UNC5A: variants seen among roughly 807,000 people sequenced by gnomAD.
The protein encoded by UNC5A is unc-5 netrin receptor A, also known as netrin receptor UNC5A.
A neutral mutation model predicts 87.4 loss-of-function variants in UNC5A; 20 were observed. The observed-to-expected ratio is 0.23, with a 90% CI of 0.16 to 0.33. UNC5A has a LOEUF of 0.33. Ranked by LOEUF, UNC5A falls within the 10% of genes least tolerant of loss-of-function variation. UNC5A has a pLI of 1.00. For synonymous variants in UNC5A, 438 were observed against 482.3 expected (o/e 0.91, Z 1.20); for missense variants, 844 against 1,133.4 (o/e 0.74, Z 3.67).
At chr5:176,879,235 C>T in intron 13 of UNC5A, 75 bp from the exon 14 acceptor site, 1 of 1,495,850 alleles carries the variant, frequency 6.7e-7, no homozygotes, top group Non-Finnish European at 8.9e-7. Context: ...TCTGGGAGCT[C>T]CCCCAGCAGG....
rs973282513 is a variant in UNC5A at position 176,838,207 on chromosome 5, G to A, written c.71-24417G>A. 6.6e-6 allele frequency among the ~76,000 whole-genome samples: 1 copy of A among 152,198 alleles called. No homozygotes were observed. The highest frequency in any genetic ancestry group is 1.5e-5 in the Non-Finnish European group (1 of 68,026). The stretch of plus-strand genomic sequence containing the variant: ...TACTGCTTAACTCTGGGGGGAAGGA[G>A]CTGGAGAGGTGGGAAGTAGGGATTG... On this transcript the variant is annotated intron_variant, in intron 1 of 14. Coordinates refer to ENST00000329542, the MANE Select transcript of UNC5A (RefSeq NM_133369.3). The surrounding 1 kb of genome is among the most constrained non-coding windows in gnomAD (Gnocchi z 4.2).
chr5:176,830,647 CAT>C (rs1756984644), intron 1 of UNC5A, among the ~76,000 whole-genome samples: 1 of 88,378 alleles, frequency 1.1e-5, no homozygotes, highest in Admixed American at 1.3e-4. Flanking sequence ...CTGGCGTGTG[CAT>C]TTGTGTGTGT....
chr5:176,832,719 G>A (rs1286343274), intron 1 of UNC5A, among the ~76,000 whole-genome samples: 1 of 152,206 alleles, frequency 6.6e-6, no homozygotes, highest in Non-Finnish European at 1.5e-5. Context: ...GTAGGGAGCT[G>A]CTGAAGATTT....
intron 2 of UNC5A, among the ~76,000 whole-genome samples, chr5:176,863,346 G>A (rs1336358694): frequency 6.6e-6 from 1 of 152,236 alleles, no homozygotes; most frequent in Non-Finnish European, 1.5e-5. Flanking sequence ...GGTGGGGTCA[G>A]CAGTGAGGGT....
In UNC5A at chr5:176,865,400, A is replaced by C; in HGVS notation, c.292+2555A>C. 1 of 353,152 alleles carries C rather than the reference A, an allele frequency of 2.8e-6. No individual in the cohort carries two copies. The highest frequency in any genetic ancestry group is 5.6e-6 in the Non-Finnish European group (1 of 178,752). The allele number at this position is 353,152 out of a possible 1,614,324, so 21.9% of individuals were successfully genotyped here. On this transcript the variant is annotated intron_variant, in intron 2 of 14. Coordinates refer to ENST00000329542, the MANE Select transcript of UNC5A (RefSeq NM_133369.3). The surrounding 1 kb of genome is among the most constrained non-coding windows in gnomAD (Gnocchi z 5.3). Reference sequence around the variant, plus strand: ...TGAGCAGTCGCAGGCCCGGGCCGGCACACACACCGGGAGCCCCTGGCCCAC... The same window carrying C: ...TGAGCAGTCGCAGGCCCGGGCCGGCCCACACACCGGGAGCCCCTGGCCCAC...
At chr5:176,828,258 A>G (rs1032812208) in intron 1 of UNC5A, among the ~76,000 whole-genome samples, 3 of 152,176 alleles carry the variant, frequency 2.0e-5, no homozygotes, top group Admixed American at 2.0e-4. Context: ...TTCACATGAA[A>G]TCATTTCAAT....
At chr5:176,856,702 G>A (rs551014870) in intron 1 of UNC5A, among the ~76,000 whole-genome samples, 1 of 152,028 alleles carries the variant, frequency 6.6e-6, no homozygotes. Flanking sequence ...GGTGGAGCAG[G>A]TCCACCACAG....
chr5:176,863,286 G>A (rs1757887086), intron 2 of UNC5A, among the ~76,000 whole-genome samples: 1 of 152,206 alleles, frequency 6.6e-6, no homozygotes, highest in Non-Finnish European at 1.5e-5. Context: ...TGCATCCCAG[G>A]CAGGGGACAC....
At chr5:176,850,206 G>A (rs545483415) in intron 1 of UNC5A, among the ~76,000 whole-genome samples, 100 of 152,296 alleles carry the variant, frequency 6.6e-4, no homozygotes, top group African/African-American at 2.3e-3. Flanking sequence ...TGCAGGTTTA[G>A]GAGGAAGTCG....
In UNC5A at chr5:176,865,385, C is replaced by T. The variant is rs548454568; in HGVS notation, c.292+2540C>T. 1.0e-3 allele frequency: 358 copies of T among 351,576 alleles called. 1 individual carries two copies. The highest frequency in any genetic ancestry group is 1.6e-3 in the Admixed American group (41 of 26,044). The allele number at this position is 351,576 out of a possible 1,614,324, so 21.8% of individuals were successfully genotyped here. On this transcript the variant is annotated intron_variant, in intron 2 of 14. Coordinates refer to ENST00000329542, the MANE Select transcript of UNC5A (RefSeq NM_133369.3). The surrounding 1 kb of genome is among the most constrained non-coding windows in gnomAD (Gnocchi z 5.3). ...AGACCCTTGCCTGAATGAGCAGTCG[C>T]AGGCCCGGGCCGGCACACACACCGG... is the stretch of plus-strand genomic sequence containing the variant.
In UNC5A at chr5:176,874,539, G is replaced by A. The variant is rs539682264; in HGVS notation, c.1351G>A (p.Gly451Arg). ...NMTYGTFNFL[G>R]GRLMIPNTGI... ...GACCTATGGGACCTTCAACTTCCTCGGGGGCCGGCTGATGATCCCTAATAC... is the reference window on the plus strand; with the variant it reads ...GACCTATGGGACCTTCAACTTCCTCAGGGGCCGGCTGATGATCCCTAATAC... The change falls in exon 8 of 15, where the codon GGG (glycine) becomes AGG (arginine). Residue 451 changes from glycine to arginine, a missense_variant. Around this residue, in one of 3 missense-constraint regions of UNC5A, gnomAD observed 353 missense variants for 387.5 expected, o/e 0.91. Transcript: ENST00000329542. The surrounding 1 kb of genome is among the most constrained non-coding windows in gnomAD (Gnocchi z 7.6). 1.9e-6 allele frequency: 3 copies of A among 1,577,126 alleles called. No homozygotes were observed. The highest frequency in any genetic ancestry group is 1.8e-5 in the Admixed American group (1 of 57,056).
At chr5:176,815,586 G>A (rs1256898112) in intron 1 of UNC5A, among the ~76,000 whole-genome samples, 1 of 152,234 alleles carries the variant, frequency 6.6e-6, no homozygotes, top group African/African-American at 2.4e-5. Flanking sequence ...GGCACTCAGG[G>A]TGAACCCCGA....
intron 2 of UNC5A, among the ~76,000 whole-genome samples, chr5:176,864,173 C>A (rs961327142): frequency 6.6e-6 from 1 of 152,016 alleles, no homozygotes; most frequent in Admixed American, 6.5e-5. Context: ...GGATTCCCAG[C>A]GGAGGAGGAA....
intron 1 of UNC5A, among the ~76,000 whole-genome samples, chr5:176,855,577 C>T (rs867135849): frequency 6.6e-6 from 1 of 152,348 alleles, no homozygotes; most frequent in Middle Eastern, 3.4e-3. Context: ...ACAGAACACG[C>T]AGAACCCCTG....
chr5:176,829,881 C>CTTTTTTTTTTTTTTTTTTTTTTTTT (rs70991576), intron 1 of UNC5A, among the ~76,000 whole-genome samples: 6 of 87,318 alleles, frequency 6.9e-5, no homozygotes, highest in African/African-American at 1.6e-4. Flanking sequence ...ATCACTGCTC[C>CTTTTTTTTTTTTTTTTTTTTTTTTT]TTTTTTTTTT....
intron 1 of UNC5A, among the ~76,000 whole-genome samples, chr5:176,840,305 G>A (rs1757244996): frequency 6.6e-6 from 1 of 152,146 alleles, no homozygotes; most frequent in Non-Finnish European, 1.5e-5. Context: ...GAGAGAGGAG[G>A]GAAGGAACTC....
chr5:176,845,138 C>A (rs1757373489), intron 1 of UNC5A, among the ~76,000 whole-genome samples: 1 of 152,206 alleles, frequency 6.6e-6, no homozygotes, highest in African/African-American at 2.4e-5. Context: ...CATGCCCTGC[C>A]CCGGGGATGT....
chr5:176,830,661 T>G (rs1200976341), intron 1 of UNC5A, among the ~76,000 whole-genome samples: 1 of 137,412 alleles, frequency 7.3e-6, no homozygotes, highest in South Asian at 2.4e-4. Context: ...TGTGTGTGTG[T>G]GCTGGTGTGT....
Position 176,824,551 on chromosome 5 carries a change from C to T in UNC5A, c.70+13731C>T, listed in dbSNP as rs941885477. ...TTTAGCCCCCACGCGGCAGATAGAA[C>T]ATTCTAAAAAAAAAAGAGAGAAAGA... On this transcript the variant is annotated intron_variant, in intron 1 of 14. Coordinates refer to ENST00000329542, the MANE Select transcript of UNC5A (RefSeq NM_133369.3). This position sits in a 1 kb window ranked among gnomAD's most constrained non-coding sequence, Gnocchi z 4.2. Among the ~76,000 whole-genome samples the T allele has an allele frequency of 2.0e-5, 3 of 150,744 alleles. No homozygotes were observed. The highest frequency in any genetic ancestry group is 7.3e-5 in the African/African-American group (3 of 40,870).
Sources: allele counts gnomAD v4.1 joint callset (sites outside exome capture counted in the v4.1 genomes callset), GRCh38; gene constraint gnomAD v4.1.1; regional missense constraint gnomAD v4.1.1; non-coding constraint Gnocchi (gnomAD v3.1); transcripts MANE v1.5; gene names NCBI Gene and HGNC (gene_info 2026-07-23, HGNC 2026-07-21).